The following SV2C variants were observed in gnomAD, a reference collection of about 807,000 sequenced individuals.
SV2C encodes solute carrier family 22 member B3.
Under a neutral mutation model 79.7 loss-of-function variants are expected in SV2C, and 49 were observed. The observed-to-expected ratio is 0.61, with a 90% CI of 0.49 to 0.78. The LOEUF is 0.78. SV2C is among the 30% of genes least tolerant of loss of function. The probability of loss-of-function intolerance (pLI) is 0.00; values close to 1 mark genes in which losing one functional copy is unlikely to be tolerated. For synonymous variants in SV2C, 334 were observed against 333.2 expected, an observed-to-expected ratio of 1.00 and a Z score of -0.03; for missense variants, 833 against 912.9, an observed-to-expected ratio of 0.91 and a Z score of 1.13.
intron 4 of SV2C, 71 bp from the exon 5 acceptor site, chr5:76,285,091 A>T (rs137965966): frequency 6.3e-7 from 1 of 1,584,426 alleles, no homozygotes; most frequent in African/African-American, 1.3e-5. Context: ...TGGTTCGGGC[A>T]TCCCGGGTGA....
the SV2C span, among the ~76,000 whole-genome samples, chr5:76,044,230 G>T: frequency 6.6e-6 from 1 of 152,294 alleles, no homozygotes; most frequent in Admixed American, 6.5e-5. Context: ...TCCCTGCAAA[G>T]GACATTATAT....
At chr5:75,976,182 T>G in the SV2C span, among the ~76,000 whole-genome samples, 1 of 152,358 alleles carries the variant, frequency 6.6e-6, no homozygotes, top group East Asian at 1.9e-4. Context: ...AAAAGCACTG[T>G]ATCAATGTCA....
At chr5:76,161,108 T>C (rs1181215048) in intron 2 of SV2C, among the ~76,000 whole-genome samples, 1 of 152,102 alleles carries the variant, frequency 6.6e-6, no homozygotes, top group Non-Finnish European at 1.5e-5. Context: ...AGCTAAAAGG[T>C]GAAAGCAACC....
chr5:75,983,985 G>C, the SV2C span, among the ~76,000 whole-genome samples: 2 of 152,098 alleles, frequency 1.3e-5, no homozygotes, highest in African/African-American at 4.8e-5. Flanking sequence ...AAAATGCCGA[G>C]TTGTCTCAGC....
intron 2 of SV2C, among the ~76,000 whole-genome samples, chr5:76,146,265 C>T (rs1190050128): frequency 1.3e-5 from 2 of 152,180 alleles, no homozygotes; most frequent in Non-Finnish European, 2.9e-5. Context: ...AGAAAGAATT[C>T]AGGGTGACTC....
chr5:75,913,239 T>A, the SV2C span, among the ~76,000 whole-genome samples: 1 of 152,300 alleles, frequency 6.6e-6, no homozygotes, highest in Non-Finnish European at 1.5e-5. Flanking sequence ...TTGGCCAGTA[T>A]GGAGGTCCCC....
At chr5:75,984,567 A>ATCTATCTATCTCTATCTATC in the SV2C span, among the ~76,000 whole-genome samples, 12 of 102,922 alleles carry the variant, frequency 1.2e-4, 1 homozygote, top group Admixed American at 2.7e-4. Context: ...CTATCTATCT[A>ATCTATCTATCTCTATCTATC]TATCTATCTA....
At chr5:76,168,988 A>G (rs1361567754) in intron 2 of SV2C, among the ~76,000 whole-genome samples, 4 of 152,040 alleles carry the variant, frequency 2.6e-5, no homozygotes, top group African/African-American at 9.7e-5. Flanking sequence ...GGCCTCCCCT[A>G]TTTTTCCCTA....
At chr5:76,165,233 T>G (rs1247688152) in intron 2 of SV2C, among the ~76,000 whole-genome samples, 1 of 152,190 alleles carries the variant, frequency 6.6e-6, no homozygotes, top group Admixed American at 6.5e-5. Context: ...CTTCCCCCAA[T>G]GATAATATCT....
At chr5:76,135,469 G>A (rs1021674492) in intron 2 of SV2C, among the ~76,000 whole-genome samples, 2 of 152,170 alleles carry the variant, frequency 1.3e-5, no homozygotes, top group African/African-American at 4.8e-5. Flanking sequence ...GGAGAAGCCA[G>A]AGAAAGGAGC....
the SV2C span, among the ~76,000 whole-genome samples, chr5:75,924,766 A>G: frequency 2.6e-5 from 4 of 152,026 alleles, no homozygotes; most frequent in Non-Finnish European, 2.9e-5. Context: ...ACATATATAT[A>G]TATATTCAAA....
At chr5:76,096,616 T>C (rs1486254656) in intron 1 of SV2C, among the ~76,000 whole-genome samples, 1 of 152,190 alleles carries the variant, frequency 6.6e-6, no homozygotes, top group Non-Finnish European at 1.5e-5. Flanking sequence ...AGCAGAAACA[T>C]GTGATGCCTT....
the SV2C span, among the ~76,000 whole-genome samples, chr5:76,060,799 T>G: frequency 6.6e-6 from 1 of 152,082 alleles, no homozygotes; most frequent in Non-Finnish European, 1.5e-5. Flanking sequence ...AGGCCTAGCT[T>G]TTAGCCTATA....
the SV2C span, among the ~76,000 whole-genome samples, chr5:75,916,362 T>C: frequency 8.8e-6 from 1 of 113,898 alleles, no homozygotes; most frequent in Non-Finnish European, 1.8e-5. Context: ...CCTTCTCCTC[T>C]CCTCCTCCTT....
intron 4 of SV2C, among the ~76,000 whole-genome samples, chr5:76,256,918 T>C (rs1201226632): frequency 2.0e-5 from 3 of 152,218 alleles, no homozygotes; most frequent in Non-Finnish European, 2.9e-5. Flanking sequence ...GTTTCTAAAA[T>C]TGCATTTGAA....
intron 2 of SV2C, among the ~76,000 whole-genome samples, chr5:76,161,445 G>T (rs76857343): frequency 0.034 from 5,176 of 152,256 alleles, 464 homozygotes; most frequent in East Asian, 0.31. Context: ...CTGTCACGCA[G>T]GCTGGAGTGC....
chr5:75,955,095 T>C, the SV2C span, among the ~76,000 whole-genome samples: 1 of 147,708 alleles, frequency 6.8e-6, no homozygotes, highest in African/African-American at 2.6e-5. Flanking sequence ...AAGTCAATCC[T>C]AAGCCAAAAG....
the SV2C span, among the ~76,000 whole-genome samples, chr5:75,959,170 A>G: frequency 6.6e-6 from 1 of 151,964 alleles, no homozygotes; most frequent in East Asian, 1.9e-4. Flanking sequence ...CTGACCTGTG[A>G]CAGTCCAGAG....
At chr5:76,245,969 G>A (rs927300053) in intron 4 of SV2C, among the ~76,000 whole-genome samples, 1 of 137,396 alleles carries the variant, frequency 7.3e-6, no homozygotes, top group African/African-American at 3.3e-5. Context: ...TGTGTTAAAG[G>A]GTATAAACAG....
Sources: allele counts gnomAD v4.1 joint callset (sites outside exome capture counted in the v4.1 genomes callset), GRCh38; gene constraint gnomAD v4.1.1; transcripts MANE v1.5; gene names NCBI Gene and HGNC (gene_info 2026-07-23, HGNC 2026-07-21).